The following CHD1L variants were observed in gnomAD, a reference collection of about 807,000 sequenced individuals.
CHD1L encodes ATP-dependent chromatin remodeler CHD1L.
A neutral mutation model predicts 115.9 loss-of-function variants in CHD1L; 118 were observed. That is an observed-to-expected ratio of 1.02 (90% CI 0.88 to 1.19). The LOEUF is 1.19. Among genes scored for constraint, CHD1L ranks in the 50% most tolerant of loss-of-function variants. CHD1L has a pLI of 0.00. For missense variants in CHD1L, 1,179 were observed against 1,065.3 expected (o/e 1.11, Z -1.49); for synonymous variants, 411 against 387.1 (o/e 1.06, Z -0.72).
chr1:147,271,252 G>T (rs1206168739), intron 11 of CHD1L: 1 of 365,794 alleles, frequency 2.7e-6, no homozygotes, highest in Middle Eastern at 7.5e-4. Context: ...TTAAAATTAT[G>T]GGCCGTGGAG....
chr1:147,252,542 C>A, intron 1 of CHD1L, 81 bp from the exon 2 acceptor site: 1 of 1,059,792 alleles, frequency 9.4e-7, no homozygotes, highest in Non-Finnish European at 1.4e-6. Flanking sequence ...AGGCTGTGTT[C>A]CTCATTCAAA....
At chr1:147,273,992 G>C (rs139661841) in intron 12 of CHD1L, among the ~76,000 whole-genome samples, 1 of 152,318 alleles carries the variant, frequency 6.6e-6, no homozygotes, top group East Asian at 1.9e-4. Flanking sequence ...TCGGTGAAGA[G>C]CTGCACTTAG....
chr1:147,212,786 G>C, the CHD1L span, among the ~76,000 whole-genome samples: 1 of 151,980 alleles, frequency 6.6e-6, no homozygotes, highest in African/African-American at 2.4e-5. Context: ...TTTGGATTTA[G>C]AGATATAAAT....
chr1:147,192,168 G>C, the CHD1L span, among the ~76,000 whole-genome samples: 1 of 151,958 alleles, frequency 6.6e-6, no homozygotes, highest in African/African-American at 2.4e-5. Context: ...CCATTTCTTT[G>C]TATCCTCTTT....
the CHD1L span, chr1:147,212,448 C>A: frequency 1.2e-6 from 2 of 1,614,014 alleles, no homozygotes. Context: ...ATTCCCAATG[C>A]CAATTATAAT....
Position 147,275,380 on chromosome 1 carries a change from G to A in CHD1L, c.1297G>A (p.Ala433Thr). The A allele has an allele frequency of 6.2e-7, 1 of 1,613,954 alleles. No homozygotes were observed. The highest frequency in any genetic ancestry group is 2.2e-5 in the East Asian group (1 of 44,886). ...AGGVGMNLTA[A>T]DTVIFVDSDF... ...TGGAGTTGGCATGAACTTAACAGCAGCAGATACTGTGATTTTTGTTGACAG... is the reference window on the plus strand; with the variant it reads ...TGGAGTTGGCATGAACTTAACAGCAACAGATACTGTGATTTTTGTTGACAG... Residue 433 changes from alanine to threonine, a missense_variant, in exon 13 of 23, where the codon GCA (alanine) becomes ACA (threonine). Physicochemically the swap from Ala to Thr is moderately conservative, Grantham distance 58. Transcript: ENST00000369258.
intron 6 of CHD1L, 97 bp downstream of exon 6, chr1:147,260,015 A>G (rs1364350991): frequency 6.5e-6 from 6 of 925,036 alleles, no homozygotes; most frequent in Non-Finnish European, 9.9e-6. Context: ...AAAATTGAAC[A>G]GAAACTACAG....
At chr1:147,188,640 C>T in the CHD1L span, among the ~76,000 whole-genome samples, 2 of 150,076 alleles carry the variant, frequency 1.3e-5, no homozygotes, top group Non-Finnish European at 3.0e-5. Flanking sequence ...AATGTATACA[C>T]ATAGTCGGCC....
the CHD1L span, chr1:147,201,222 C>G: frequency 1.1e-5 from 18 of 1,614,044 alleles, no homozygotes; most frequent in East Asian, 2.2e-5. Context: ...AGGGCTGAAT[C>G]AAGCCTATGA....
chr1:147,233,330 G>A, the CHD1L span, among the ~76,000 whole-genome samples: 7 of 151,940 alleles, frequency 4.6e-5, no homozygotes, highest in African/African-American at 1.7e-4. Flanking sequence ...AGGGAGGTGG[G>A]GATCAGCCCC....
the CHD1L span, chr1:147,204,909 A>G: frequency 6.3e-7 from 1 of 1,577,648 alleles, no homozygotes; most frequent in Non-Finnish European, 8.7e-7. Flanking sequence ...CGAAGCCCGG[A>G]GCCTTGGGAA....
the CHD1L span, among the ~76,000 whole-genome samples, chr1:147,229,934 A>G: frequency 6.6e-6 from 1 of 151,100 alleles, no homozygotes; most frequent in Non-Finnish European, 1.5e-5. Flanking sequence ...TTTTCTAGAT[A>G]TACAATCATG....
At chr1:147,181,469 AG>A in the CHD1L span, among the ~76,000 whole-genome samples, 2 of 152,170 alleles carry the variant, frequency 1.3e-5, no homozygotes, top group Non-Finnish European at 2.9e-5. Flanking sequence ...ATTTTCTTAG[AG>A]GAAAAAAAGA....
chr1:147,246,000 A>G (rs1666494551), intron 1 of CHD1L, among the ~76,000 whole-genome samples: 1 of 152,188 alleles, frequency 6.6e-6, no homozygotes, highest in Admixed American at 6.5e-5. Flanking sequence ...AACATTTTCC[A>G]TCTCCACAAG....
the CHD1L span, chr1:147,184,703 C>T: frequency 2.1e-6 from 3 of 1,413,210 alleles, no homozygotes; most frequent in Non-Finnish European, 1.9e-6. The surrounding 1 kb of genome is among the most constrained non-coding windows in gnomAD (Gnocchi z 4.4). Context: ...CTCAAAGGTA[C>T]ATACTATCAG....
the CHD1L span, among the ~76,000 whole-genome samples, chr1:147,233,726 G>T: frequency 1.7e-3 from 264 of 152,088 alleles, 2 homozygotes; most frequent in African/African-American, 6.2e-3. Flanking sequence ...AGACATGGGA[G>T]ACTTTTCATT....
chr1:147,291,470 G>C lies in CHD1L; in HGVS notation c.2321-12G>C. ...GGTGTTCTTTATGTTGCTCCTTTCT[G>C]TTTTACCTCAGACCTGAGTTTGGGA... is the stretch of plus-strand genomic sequence containing the variant. On this transcript the variant is annotated splice_polypyrimidine_tract_variant and intron_variant, in intron 19 of 22. Coordinates refer to ENST00000369258, the MANE Select transcript of CHD1L (RefSeq NM_004284.6). 1 of 1,611,342 alleles carries C rather than the reference G, an allele frequency of 6.2e-7. No individual in the cohort carries two copies. The highest frequency in any genetic ancestry group is 8.5e-7 in the Non-Finnish European group (1 of 1,177,516).
At chr1:147,274,415 A>G (rs941356720) in intron 12 of CHD1L, among the ~76,000 whole-genome samples, 18 of 152,160 alleles carry the variant, frequency 1.2e-4, no homozygotes, top group African/African-American at 4.3e-4. Context: ...TTTAATTAGA[A>G]TATTCCTGCC....
intron 12 of CHD1L, 34 bp downstream of exon 12, chr1:147,272,315 A>T: frequency 1.4e-6 from 2 of 1,394,766 alleles, no homozygotes; most frequent in Non-Finnish European, 2.0e-6. Context: ...AAACAGACAA[A>T]TGAGGGATAA....
Sources: gnomAD v4.1 joint callset for allele counts (sites outside exome capture counted in the v4.1 genomes callset) on GRCh38, gnomAD v4.1.1 for gene constraint, Gnocchi (gnomAD v3.1) non-coding constraint, MANE v1.5 for transcripts, NCBI Gene and HGNC (gene_info 2026-07-23, HGNC 2026-07-21) for gene names.